NINJ2: variants seen among roughly 807,000 people sequenced by gnomAD.
NINJ2 encodes the protein ninjurin 2, also known as ninjurin-2.
NINJ2 carries 12 observed loss-of-function variants against 11.7 expected under a neutral mutation model. The ratio of observed to expected loss-of-function variants is 1.02; its 90% CI spans 0.66 to 1.66. The LOEUF is 1.66. Among genes scored for constraint, NINJ2 ranks in the 40% most tolerant of loss-of-function variants. The pLI is 0.00. For missense variants in NINJ2, 187 were observed against 181.8 expected (o/e 1.03, Z -0.16); for synonymous variants, 93 against 76.8 (o/e 1.21, Z -1.10).
At chr12:582,364 T>C (rs962344675) in intron 1 of NINJ2, among the ~76,000 whole-genome samples, 4 of 116,512 alleles carry the variant, frequency 3.4e-5, no homozygotes, top group South Asian at 3.4e-4. Flanking sequence ...AGTGAATGAA[T>C]GAATGGGCGC....
Position 603,557 on chromosome 12 carries a change from C to T in NINJ2, c.34-37379G>A, listed in dbSNP as rs575069406. Among the ~76,000 whole-genome samples, 3 of 152,270 alleles carry T rather than the reference C, an allele frequency of 2.0e-5. No individual in the cohort carries two copies. In the East Asian group the frequency reaches 5.8e-4, roughly 29 times the overall value. On this transcript the variant is annotated intron_variant, in intron 1 of 3. Transcript: ENST00000305108. The stretch of plus-strand genomic sequence containing the variant: ...AGCTTTTACATTTAAGTCTATGATC[C>T]ATTTTGAATTAATTTTTGCACATGG...
intron 1 of NINJ2, among the ~76,000 whole-genome samples, chr12:611,267 T>TCTCTCTC (rs1440796115): frequency 2.0e-4 from 23 of 115,630 alleles, no homozygotes; most frequent in Non-Finnish European, 3.8e-4. Flanking sequence ...CTTTCTTTCT[T>TCTCTCTC]TCTTTCTCTC....
At chr12:619,610 T>C (rs902757030) in intron 1 of NINJ2, among the ~76,000 whole-genome samples, 1 of 152,186 alleles carries the variant, frequency 6.6e-6, no homozygotes, top group Admixed American at 6.5e-5. Flanking sequence ...CCTTGCAGGA[T>C]GTGGCCAAGA....
intron 1 of NINJ2, among the ~76,000 whole-genome samples, chr12:620,711 C>A (rs988423224): frequency 2.0e-5 from 3 of 152,170 alleles, no homozygotes; most frequent in East Asian, 3.8e-4. Context: ...CTCACTGCAA[C>A]CTCTGCCTCC....
At chr12:629,896 A>AAAAATATATATATAT in intron 1 of NINJ2, among the ~76,000 whole-genome samples, 3 of 9,904 alleles carry the variant, frequency 3.0e-4, no homozygotes, top group Non-Finnish European at 4.7e-4. Flanking sequence ...AAAAAAAAAA[A>AAAAATATATATATAT]ATATATATAT....
intron 1 of NINJ2, among the ~76,000 whole-genome samples, chr12:619,747 A>G (rs1948131928): frequency 6.6e-6 from 1 of 152,216 alleles, no homozygotes; most frequent in South Asian, 2.1e-4. Context: ...AGAAGCCCCA[A>G]GTATCCTGAG....
rs950755215 is a variant in NINJ2 at position 565,485 on chromosome 12, A to G, written c.263-84T>C. 8 of 1,390,642 alleles carry G rather than the reference A, an allele frequency of 5.8e-6. No homozygotes were observed. The South Asian group carries it at 9.0e-5, about 16-fold the overall frequency. The allele number at this position is 1,390,642 out of a possible 1,614,324, so 86.1% of individuals were successfully genotyped here. On this transcript the variant is annotated intron_variant, in intron 2 of 3. Coordinates refer to ENST00000305108, the MANE Select transcript of NINJ2 (RefSeq NM_016533.6). Reference sequence around the variant, plus strand: ...CCCCACAACACCCACCAGAGTTTGGAGAGAGGGGCCCTTCAGAAACCCATG... The same window carrying G: ...CCCCACAACACCCACCAGAGTTTGGGGAGAGGGGCCCTTCAGAAACCCATG...
intron 1 of NINJ2, among the ~76,000 whole-genome samples, chr12:587,659 C>A (rs1037577641): frequency 2.0e-5 from 3 of 152,018 alleles, no homozygotes; most frequent in Non-Finnish European, 4.4e-5. Context: ...AGCGCTGAGC[C>A]ATTCTTCCCT....
intron 1 of NINJ2, among the ~76,000 whole-genome samples, chr12:570,326 A>G (rs1236726863): frequency 6.6e-6 from 1 of 152,330 alleles, no homozygotes; most frequent in Admixed American, 6.5e-5. Flanking sequence ...GGGCCAGTTT[A>G]GGTGCAGCCC....
At chr12:572,350 CAG>C (rs1947390304) in intron 1 of NINJ2, among the ~76,000 whole-genome samples, 1 of 152,204 alleles carries the variant, frequency 6.6e-6, no homozygotes, top group African/African-American at 2.4e-5. Flanking sequence ...CCCAGAGGAA[CAG>C]GGGCCTGTCA....
chr12:646,204 T>C (rs1037686421), intron 1 of NINJ2, among the ~76,000 whole-genome samples: 6 of 152,136 alleles, frequency 3.9e-5, no homozygotes, highest in African/African-American at 1.4e-4. Flanking sequence ...CTCCCCTCCA[T>C]CCTACCTGCC....
intron 1 of NINJ2, among the ~76,000 whole-genome samples, chr12:657,011 A>G (rs536900501): frequency 6.6e-6 from 1 of 152,350 alleles, no homozygotes; most frequent in African/African-American, 2.4e-5. Context: ...AAAGTGGACT[A>G]TAAACCTAAA....
At chr12:607,972 G>A (rs2075032) in intron 1 of NINJ2, among the ~76,000 whole-genome samples, 129,990 of 152,156 alleles carry the variant, frequency 0.85, 55,956 homozygotes, top group African/African-American at 0.96. Flanking sequence ...TGACTTTCCA[G>A]TGCAAGCCAA....
intron 1 of NINJ2, among the ~76,000 whole-genome samples, chr12:659,390 A>C (rs1021864640): frequency 3.3e-5 from 5 of 152,162 alleles, no homozygotes; most frequent in African/African-American, 1.2e-4. Context: ...TTTGGGAAGG[A>C]GCCAGGCTAG....
rs556236374 is a variant in NINJ2, at chr12:606,288, T to C, written c.34-40110A>G. Among the ~76,000 whole-genome samples, 4 of 152,182 alleles carry C rather than the reference T, an allele frequency of 2.6e-5. No homozygotes were observed. The East Asian group carries it at 7.7e-4, about 29-fold the overall frequency. ...AATTCAACTTAAGATAGAGAAACGT[T>C]TATAAAATCTCATAGAAAGTAGAAC... is the stretch of plus-strand genomic sequence containing the variant. On this transcript the variant is annotated intron_variant, in intron 1 of 3. Transcript: ENST00000305108.
intron 1 of NINJ2, among the ~76,000 whole-genome samples, chr12:617,687 T>C (rs1395874677): frequency 1.3e-5 from 2 of 152,192 alleles, no homozygotes; most frequent in Non-Finnish European, 2.9e-5. Context: ...GGCGTCGCCG[T>C]GTTTTCTGTG....
At chr12:647,688 A>G (rs1313100884) in intron 1 of NINJ2, among the ~76,000 whole-genome samples, 1 of 152,202 alleles carries the variant, frequency 6.6e-6, no homozygotes, top group Non-Finnish European at 1.5e-5. Flanking sequence ...TACATCAGTC[A>G]CTTAACGGAT....
intron 1 of NINJ2, among the ~76,000 whole-genome samples, chr12:603,752 C>G (rs775712625): frequency 2.6e-5 from 4 of 152,010 alleles, no homozygotes; most frequent in Non-Finnish European, 4.4e-5. Flanking sequence ...CCTCTGCCTC[C>G]CAGGTTCAAG....
At chr12:579,484 C>T (rs964551119) in intron 1 of NINJ2, among the ~76,000 whole-genome samples, 11 of 143,744 alleles carry the variant, frequency 7.7e-5, no homozygotes, top group Admixed American at 2.2e-4. Flanking sequence ...TGGAGTCACA[C>T]AAAACAAAAC....
Sources: allele counts gnomAD v4.1 joint callset (sites outside exome capture counted in the v4.1 genomes callset), GRCh38; gene constraint gnomAD v4.1.1; transcripts MANE v1.5; gene names NCBI Gene and HGNC (gene_info 2026-07-23, HGNC 2026-07-21).